Variants in AUTS2 observed in about 807,000 individuals in gnomAD.
AUTS2 encodes activator of transcription and developmental regulator AUTS2, also known as autism susceptibility gene 2 protein.
A neutral mutation model predicts 112.4 loss-of-function variants in AUTS2; 17 were observed. The ratio of observed to expected loss-of-function variants is 0.15; its 90% CI spans 0.10 to 0.23. The LOEUF is 0.23. Ranked by LOEUF, AUTS2 falls within the 10% of genes least tolerant of loss-of-function variation. AUTS2 has a pLI of 1.00. For missense variants in AUTS2, 1,510 were observed against 1,701.6 expected (o/e 0.89, Z 1.98); for synonymous variants, 751 against 702.7 (o/e 1.07, Z -1.09).
intron 1 of AUTS2, among the ~76,000 whole-genome samples, chr7:69,780,286 T>A (rs1789091073): frequency 6.6e-6 from 1 of 152,272 alleles, no homozygotes; most frequent in African/African-American, 2.4e-5. Context: ...AATAAGCCTG[T>A]GTTTTATTTC....
intron 1 of AUTS2, among the ~76,000 whole-genome samples, chr7:69,694,077 C>T (rs1797455897): frequency 6.6e-6 from 1 of 152,186 alleles, no homozygotes; most frequent in African/African-American, 2.4e-5. Flanking sequence ...GATGTCTCCT[C>T]TTAAAACATT....
intron 4 of AUTS2, among the ~76,000 whole-genome samples, chr7:70,424,886 C>T (rs762832131): frequency 6.6e-6 from 1 of 152,324 alleles, no homozygotes; most frequent in Non-Finnish European, 1.5e-5. Context: ...TGCACCTGGC[C>T]TCAGGATTCT....
At chr7:69,886,138 T>G (rs1184305617) in intron 1 of AUTS2, among the ~76,000 whole-genome samples, 1 of 152,178 alleles carries the variant, frequency 6.6e-6, no homozygotes, top group Non-Finnish European at 1.5e-5. Flanking sequence ...TTTATAGGTA[T>G]TGAGGTAGAT....
intron 1 of AUTS2, among the ~76,000 whole-genome samples, chr7:69,876,238 G>T (rs1793731504): frequency 6.9e-6 from 1 of 144,016 alleles, no homozygotes; most frequent in African/African-American, 2.6e-5. Context: ...GTGGTGGCGT[G>T]CGCCTGTACC....
chr7:70,192,444 A>C (rs1038038434), intron 4 of AUTS2, among the ~76,000 whole-genome samples: 2 of 152,170 alleles, frequency 1.3e-5, no homozygotes, highest in African/African-American at 4.8e-5. Flanking sequence ...CTTTTAAGTC[A>C]CTTCTGATAT....
chr7:70,637,030 A>G (rs1244127673), intron 5 of AUTS2, among the ~76,000 whole-genome samples: 1 of 152,124 alleles, frequency 6.6e-6, no homozygotes, highest in African/African-American at 2.4e-5. Context: ...GGCAAACGTG[A>G]TCCTTATGTG....
chr7:70,595,607 C>T (rs1803158570), intron 5 of AUTS2, among the ~76,000 whole-genome samples: 1 of 151,978 alleles, frequency 6.6e-6, no homozygotes, highest in Non-Finnish European at 1.5e-5. Flanking sequence ...ATGAGGACAC[C>T]CGGCGTCCAG....
chr7:70,316,474 G>A (rs1790002697), intron 4 of AUTS2, among the ~76,000 whole-genome samples: 1 of 144,588 alleles, frequency 6.9e-6, no homozygotes, highest in Non-Finnish European at 1.5e-5. Flanking sequence ...CATGATCTCA[G>A]CTCACTGCAA....
intron 2 of AUTS2, among the ~76,000 whole-genome samples, chr7:69,983,834 C>T (rs982176360): frequency 3.9e-5 from 6 of 152,116 alleles, no homozygotes; most frequent in African/African-American, 1.4e-4. Flanking sequence ...AATTTACTAT[C>T]TATACTAAAT....
chr7:70,569,913 C>A (rs1282718848), intron 5 of AUTS2, among the ~76,000 whole-genome samples: 1 of 150,260 alleles, frequency 6.7e-6, no homozygotes, highest in Non-Finnish European at 1.5e-5. Context: ...TTTTTTTTTT[C>A]TCCCAAAACA....
At chr7:70,011,925 T>C (rs1799824310) in intron 2 of AUTS2, among the ~76,000 whole-genome samples, 1 of 152,112 alleles carries the variant, frequency 6.6e-6, no homozygotes. Flanking sequence ...GGGAGCCTCC[T>C]ACACAGTGGA....
chr7:69,696,763 A>AT (rs1212712452), intron 1 of AUTS2, among the ~76,000 whole-genome samples: 1 of 152,044 alleles, frequency 6.6e-6, no homozygotes, highest in Non-Finnish European at 1.5e-5. Flanking sequence ...TTGTAAAAAG[A>AT]TTTTTTTTCT....
At chr7:70,739,003 C>T (rs1382586060) in intron 6 of AUTS2, among the ~76,000 whole-genome samples, 3 of 57,298 alleles carry the variant, frequency 5.2e-5, no homozygotes, top group Admixed American at 2.6e-4. Context: ...GTTTTGAGGC[C>T]TTTTTTTTTT....
intron 17 of AUTS2, chr7:70,786,875 C>G: frequency 2.5e-6 from 1 of 395,690 alleles, no homozygotes; most frequent in Non-Finnish European, 4.7e-6. Context: ...ACCATCATAA[C>G]ACACCCTTCT....
At chr7:70,434,536 T>C (rs1238963047) in intron 4 of AUTS2, among the ~76,000 whole-genome samples, 1 of 152,256 alleles carries the variant, frequency 6.6e-6, no homozygotes, top group Non-Finnish European at 1.5e-5. Flanking sequence ...CTGTTGGTTC[T>C]ACCTTCAGAA....
chr7:70,153,519 TATATTTATAGGTCAAAATTTATCA>T (rs1337328586), intron 4 of AUTS2, among the ~76,000 whole-genome samples: 5 of 152,210 alleles, frequency 3.3e-5, no homozygotes, highest in Non-Finnish European at 7.4e-5. Context: ...GCTCCACAGA[TATATTTATAGGTCAAAATTTATCA>T]AATTTTATCC....
chr7:69,941,334 G>A (rs1016556997), intron 2 of AUTS2, among the ~76,000 whole-genome samples: 2 of 152,266 alleles, frequency 1.3e-5, no homozygotes, highest in African/African-American at 4.8e-5. Flanking sequence ...AGGAAAAGGG[G>A]TAATTATCCA....
At chr7:70,057,975 G>C (rs1802068661) in intron 2 of AUTS2, among the ~76,000 whole-genome samples, 1 of 152,140 alleles carries the variant, frequency 6.6e-6, no homozygotes, top group African/African-American at 2.4e-5. Context: ...ATATGGTAAG[G>C]GGGTGATATA....
intron 1 of AUTS2, among the ~76,000 whole-genome samples, chr7:69,678,788 C>T (rs1437237350): frequency 1.3e-5 from 2 of 152,232 alleles, no homozygotes; most frequent in African/African-American, 4.8e-5. Flanking sequence ...ACGCTCTGTG[C>T]TGCCCTCAAA....
Sources: allele counts gnomAD v4.1 joint callset (sites outside exome capture counted in the v4.1 genomes callset), GRCh38; gene constraint gnomAD v4.1.1; transcripts MANE v1.5; gene names NCBI Gene and HGNC (gene_info 2026-07-23, HGNC 2026-07-21).